Variants in TUT1 observed in about 807,000 individuals in gnomAD.
TUT1 encodes terminal uridylyl transferase 1, U6 snRNA-specific.
Under a neutral mutation model 48.8 loss-of-function variants are expected in TUT1, and 26 were observed. That is an observed-to-expected ratio of 0.53 (90% CI 0.39 to 0.74). TUT1 has a LOEUF of 0.74. Ranked by LOEUF, TUT1 falls within the 30% of genes least tolerant of loss-of-function variation. TUT1 has a pLI of 0.00. For missense variants in TUT1, 1,065 were observed against 1,114.8 expected (o/e 0.96, Z 0.64); for synonymous variants, 470 against 460.8 (o/e 1.02, Z -0.26).
At chr11:62,576,428 A>G (rs947565949) in intron 8 of TUT1, 184 bp from the exon 9 acceptor site, 18 of 840,000 alleles carry the variant, frequency 2.1e-5, no homozygotes, top group Non-Finnish European at 2.9e-5. Flanking sequence ...CTGCCCCCAC[A>G]TGATGTCCTT....
In TUT1 at chr11:62,589,234, G is replaced by A; in HGVS notation, c.83-13C>T. The A allele has an allele frequency of 6.2e-7, 1 of 1,612,482 alleles. No individual in the cohort carries two copies. Among genetic ancestry groups the A allele is most frequent in the Non-Finnish European group, 8.5e-7 (1 of 1,178,816 alleles). ...TCAAGGCTGGGTCCTGCAAAGACAA[G>A]TGTGAGACAAAAACATGCAAAGCAC... On this transcript the variant is annotated splice_polypyrimidine_tract_variant and intron_variant, in intron 1 of 8. Transcript: ENST00000476907.
At chr11:62,591,340 T>G in intron 1 of TUT1, 64 bp downstream of exon 1, 2 of 1,491,202 alleles carry the variant, frequency 1.3e-6, no homozygotes, top group Non-Finnish European at 8.9e-7. Flanking sequence ...AACCCTAACT[T>G]TCGCCAGGAT....
chr11:62,579,170 C>CA, intron 4 of TUT1, 140 bp from the exon 5 acceptor site: 2 of 424,708 alleles, frequency 4.7e-6, no homozygotes, highest in Non-Finnish European at 7.5e-6. Context: ...CACAGGAACC[C>CA]TTTTTTTTTT....
rs1329771650 is a variant in TUT1, at chr11:62,581,541, T to C, written c.434A>G (p.Asp145Gly). 1.2e-6 allele frequency: 2 copies of C among 1,613,898 alleles called. No individual in the cohort carries two copies. The highest frequency in any genetic ancestry group is 2.2e-5 in the South Asian group (2 of 91,048). The change falls in exon 3 of 9, where the codon GAC becomes GGC. Residue 145 changes from aspartate to glycine, a missense_variant. Asp to Gly is a moderately conservative substitution (Grantham distance 94, BLOSUM62 -1). Coordinates refer to ENST00000476907, the MANE Select transcript of TUT1 (RefSeq NM_022830.3). ...ASKSPKGAAP[D>G]SHQLAKALAE... The stretch of plus-strand genomic sequence containing the variant: ...TAGCGCTTTGGCCAGCTGGTGACTG[T>C]CGGGGGCCGCTCCTTTGGGGGATTT...
At position 62,575,481 on chromosome 11, in the gene TUT1, G is replaced by A. The variant is rs34783570; in HGVS notation, c.2238C>T (p.Ala746=). Reference sequence around the variant, plus strand: ...CTGCCTCACCCTGAGACCATTCTTGGGCTGCCTCATGTCCCTTGGGCCCCC... The same window carrying A: ...CTGCCTCACCCTGAGACCATTCTTGAGCTGCCTCATGTCCCTTGGGCCCCC... ...AERGPKGHEA[A]QEWSQGEAGK... The change falls in exon 9 of 9, where the codon GCC becomes GCT. Residue 746 remains alanine (A), a synonymous_variant. Transcript: ENST00000476907. 85 of 1,612,302 alleles carry A rather than the reference G, an allele frequency of 5.3e-5. 1 individual carries two copies. In the African/African-American group the frequency reaches 1.1e-3, roughly 21 times the overall value.
intron 2 of TUT1, among the ~76,000 whole-genome samples, chr11:62,584,041 G>T (rs189298920): frequency 6.6e-6 from 1 of 151,978 alleles, no homozygotes; most frequent in South Asian, 2.1e-4. Flanking sequence ...AGGATAAGGC[G>T]TTTCTTTTTG....
At chr11:62,576,366 C>CT in intron 8 of TUT1, 122 bp from the exon 9 acceptor site, 1 of 1,274,460 alleles carries the variant, frequency 7.8e-7, no homozygotes, top group Non-Finnish European at 1.0e-6. Context: ...AGCAGAGTCC[C>CT]AGGAAGCTAG....
chr11:62,577,071 A>T, intron 6 of TUT1, 54 bp from the exon 7 acceptor site: 1 of 1,594,826 alleles, frequency 6.3e-7, no homozygotes, highest in Middle Eastern at 1.7e-4. Flanking sequence ...TAATCCCCTC[A>T]CTGGCAGTTT....
At chr11:62,582,793 T>A (rs562439791) in intron 2 of TUT1, among the ~76,000 whole-genome samples, 44 of 152,234 alleles carry the variant, frequency 2.9e-4, no homozygotes, top group African/African-American at 1.0e-3. Flanking sequence ...TTATTAAGGA[T>A]CCATGTAACA....
intron 8 of TUT1, 60 bp from the exon 9 acceptor site, chr11:62,576,304 T>C: frequency 6.9e-7 from 1 of 1,456,024 alleles, no homozygotes; most frequent in Non-Finnish European, 9.0e-7. Context: ...CTGATACAGG[T>C]CCTGCACCAG....
chr11:62,578,063 C>CAAAA (rs200086998), intron 5 of TUT1, among the ~76,000 whole-genome samples: 31 of 107,030 alleles, frequency 2.9e-4, no homozygotes, highest in African/African-American at 5.1e-4. Flanking sequence ...CTCCGTCTCA[C>CAAAA]AAAAAAAAAA....
intron 2 of TUT1, among the ~76,000 whole-genome samples, chr11:62,586,949 C>T (rs1244029542): frequency 6.7e-6 from 1 of 150,166 alleles, no homozygotes; most frequent in East Asian, 2.0e-4. Context: ...AGGTGATCCT[C>T]CCACCTCAGT....
At chr11:62,580,598 A>ATT (rs1565266978) in intron 4 of TUT1, among the ~76,000 whole-genome samples, 1 of 143,598 alleles carries the variant, frequency 7.0e-6, no homozygotes, top group African/African-American at 2.6e-5. Flanking sequence ...ATCCATGTCA[A>ATT]TTCTTTTTTT....
intron 2 of TUT1, among the ~76,000 whole-genome samples, chr11:62,586,600 G>C (rs1282868864): frequency 6.6e-6 from 1 of 152,110 alleles, no homozygotes; most frequent in Non-Finnish European, 1.5e-5. Context: ...CCAACATGGA[G>C]AAATCCTGTC....
chr11:62,578,439 G>T, intron 5 of TUT1, 122 bp downstream of exon 5: 9 of 913,424 alleles, frequency 9.9e-6, no homozygotes, highest in Non-Finnish European at 1.3e-5. Context: ...CAGCTACTTG[G>T]GAGGCTGAGG....
In TUT1 at chr11:62,576,689, C is replaced by A. The variant is rs747349115; in HGVS notation, c.1442G>T (p.Arg481Ile). The A allele has an allele frequency of 1.4e-5, 23 of 1,614,222 alleles. No individual in the cohort carries two copies. The highest frequency in any genetic ancestry group is 1.9e-5 in the Non-Finnish European group (23 of 1,180,038). ...CTCCACATTTATGCTGGGCTCCAGT[C>A]TTGAGGCATCCCTGGGGAAACTGCA... ...WDCSFPRDASRLEPSINVEPL... is the reference protein window; with the variant it reads ...WDCSFPRDASILEPSINVEPL... Residue 481 changes from arginine to isoleucine, a missense_variant, in exon 8 of 9, where the codon AGA becomes ATA. By Grantham distance (97) the Arg-to-Ile change is moderately conservative. Coordinates refer to ENST00000476907, the MANE Select transcript of TUT1 (RefSeq NM_022830.3).
rs781432621 is a variant in TUT1 at position 62,575,644 on chromosome 11, A to G, written c.2075T>C (p.Met692Thr). 4 of 1,613,444 alleles carry G rather than the reference A, an allele frequency of 2.5e-6. No individual in the cohort carries two copies. The South Asian group carries it at 4.4e-5, about 18-fold the overall frequency. ...CACCATCTCTCCAACCTCTATAACC[A>G]TCTCTTCTACCCTGTCTTCCCCACC... ...GDGGEDRVEEMVIEVGEMVQD... is the reference protein window; with the variant it reads ...GDGGEDRVEETVIEVGEMVQD... Residue 692 changes from methionine (M) to threonine (T), a missense_variant, in exon 9 of 9, where the codon ATG (methionine) becomes ACG (threonine). By Grantham distance (81) the Met-to-Thr change is moderately conservative. Coordinates refer to ENST00000476907, the MANE Select transcript of TUT1 (RefSeq NM_022830.3).
rs1565265151 is a variant in TUT1, at chr11:62,576,126, C to G, written c.1593G>C (p.Trp531Cys). Residue 531 changes from tryptophan (W) to cysteine (C), a missense_variant, in exon 9 of 9, where the codon TGG becomes TGC. Transcript: ENST00000476907. ...PVAGGLPSNL[W>C]EGLRLGPLNL... ...TCAGGGGGCCAAGGCGCAGACCCTCCCAGAGATTAGAAGGCAGGCCCCCTG... is the reference window on the plus strand; with the variant it reads ...TCAGGGGGCCAAGGCGCAGACCCTCGCAGAGATTAGAAGGCAGGCCCCCTG... 1 of 1,614,000 alleles carries G rather than the reference C, an allele frequency of 6.2e-7. No individual in the cohort carries two copies. The highest frequency in any genetic ancestry group is 2.2e-5 in the East Asian group (1 of 44,886).
At position 62,591,451 on chromosome 11, in the gene TUT1, G is replaced by A. The variant is rs373683414; in HGVS notation, c.35C>T (p.Pro12Leu). The A allele has an allele frequency of 2.3e-5, 37 of 1,609,386 alleles. No homozygotes were observed. Among genetic ancestry groups the A allele is most frequent in the African/African-American group, 4.0e-5 (3 of 74,812 alleles). ...GAGGCAGCAGCGGAACCCCCCACGC[G>A]GCAGCGATTCGACATCCGAATCCAC... Reference protein sequence around the residue: ...AAVDSDVESLPRGGFRCCLCH... With the variant: ...AAVDSDVESLLRGGFRCCLCH... The change falls in exon 1 of 9, where the codon CCG (proline) becomes CTG (leucine). Residue 12 changes from proline (P) to leucine (L), a missense_variant. By Grantham distance (98) the Pro-to-Leu change is moderately conservative (BLOSUM62 -3). Coordinates refer to ENST00000476907, the MANE Select transcript of TUT1 (RefSeq NM_022830.3).
Sources: gnomAD v4.1 joint callset for allele counts (sites outside exome capture counted in the v4.1 genomes callset) on GRCh38, gnomAD v4.1.1 for gene constraint, MANE v1.5 for transcripts, NCBI Gene and HGNC (gene_info 2026-07-23, HGNC 2026-07-21) for gene names.